Variants in THSD4 observed in about 807,000 individuals in gnomAD.
The protein encoded by THSD4 is thrombospondin type 1 domain containing 4, also known as thrombospondin type-1 domain-containing protein 4.
A neutral mutation model predicts 119.0 loss-of-function variants in THSD4; 69 were observed. That is an observed-to-expected ratio of 0.58 (90% CI 0.48 to 0.71). The LOEUF (loss-of-function observed/expected upper bound fraction) is 0.71, where lower values mean the gene tolerates loss of function less well. THSD4 is among the 30% of genes least tolerant of loss of function. THSD4 has a pLI of 0.00. For synonymous variants in THSD4, 524 were observed against 540.4 expected, an observed-to-expected ratio of 0.97 and a Z score of 0.42; for missense variants, 1,393 against 1,391.1, an observed-to-expected ratio of 1.00 and a Z score of -0.02.
intron 8 of THSD4, among the ~76,000 whole-genome samples, chr15:71,718,311 A>G (rs563619762): frequency 6.6e-6 from 1 of 152,268 alleles, no homozygotes; most frequent in East Asian, 1.9e-4. Flanking sequence ...TGACAAAATT[A>G]GCCTCCTGGA....
At chr15:71,504,228 C>T (rs1241111521) in intron 7 of THSD4, among the ~76,000 whole-genome samples, 2 of 152,178 alleles carry the variant, frequency 1.3e-5, no homozygotes, top group African/African-American at 4.8e-5. Flanking sequence ...TCCAAATCAC[C>T]AGCAGGTCGT....
At chr15:71,633,894 T>C (rs546260298) in intron 7 of THSD4, among the ~76,000 whole-genome samples, 1 of 152,162 alleles carries the variant, frequency 6.6e-6, no homozygotes, top group African/African-American at 2.4e-5. Flanking sequence ...ATCTGTGAAA[T>C]GAAAGAATCT....
At chr15:71,214,845 G>C (rs2043916978) in intron 3 of THSD4, among the ~76,000 whole-genome samples, 190 bp from the exon 4 acceptor site, 1 of 152,168 alleles carries the variant, frequency 6.6e-6, no homozygotes, top group Non-Finnish European at 1.5e-5. Flanking sequence ...CGGGGCCTAG[G>C]CATTTTTGCC....
chr15:71,616,080 A>C lies in THSD4; in HGVS notation c.1153-44450A>C, dbSNP rs577935490. Among the ~76,000 whole-genome samples, 6 of 152,304 alleles carry C rather than the reference A, an allele frequency of 3.9e-5. No individual in the cohort carries two copies. The East Asian group carries it at 1.2e-3, about 29-fold the overall frequency. On this transcript the variant is annotated intron_variant, in intron 7 of 17. Coordinates refer to ENST00000261862, the MANE Select transcript of THSD4 (RefSeq NM_024817.3). ...AATTGATTGAAAAACTGTAAGACTAAAGATGGACAAATGTCCATGTTTTCA... is the reference window on the plus strand; with the variant it reads ...AATTGATTGAAAAACTGTAAGACTACAGATGGACAAATGTCCATGTTTTCA...
intron 7 of THSD4, among the ~76,000 whole-genome samples, chr15:71,566,321 A>G (rs1449092748): frequency 1.3e-5 from 2 of 152,150 alleles, no homozygotes; most frequent in Non-Finnish European, 2.9e-5. Context: ...AAATACCCAG[A>G]AGTCTGTGGT....
At chr15:71,192,047 T>G (rs1187107292) in intron 3 of THSD4, among the ~76,000 whole-genome samples, 1 of 151,638 alleles carries the variant, frequency 6.6e-6, no homozygotes, top group African/African-American at 2.4e-5. Context: ...GGATTACAGG[T>G]GCCCACCACT....
intron 7 of THSD4, among the ~76,000 whole-genome samples, chr15:71,517,428 T>A (rs761934783): frequency 3.9e-5 from 6 of 152,232 alleles, no homozygotes; most frequent in Non-Finnish European, 7.3e-5. Context: ...CCCTCAGTCC[T>A]TTCTCTCCCT....
At chr15:71,633,397 TC>T (rs1245241513) in intron 7 of THSD4, among the ~76,000 whole-genome samples, 1 of 148,282 alleles carries the variant, frequency 6.7e-6, no homozygotes, top group Non-Finnish European at 1.5e-5. Flanking sequence ...CATCTCAGCC[TC>T]CCCATTAGCT....
At chr15:71,683,544 T>C (rs552488225) in intron 8 of THSD4, among the ~76,000 whole-genome samples, 143 of 152,254 alleles carry the variant, frequency 9.4e-4, no homozygotes, top group Non-Finnish European at 1.8e-3. Flanking sequence ...GGAGAATGAG[T>C]GCTGGCTGGA....
At chr15:71,337,632 C>A (rs559868563) in intron 6 of THSD4, among the ~76,000 whole-genome samples, 6 of 152,236 alleles carry the variant, frequency 3.9e-5, no homozygotes, top group South Asian at 4.1e-4. Context: ...TATGCAAATT[C>A]TTACTGGGCT....
chr15:71,689,869 C>G (rs533638118), intron 8 of THSD4, among the ~76,000 whole-genome samples: 6 of 152,314 alleles, frequency 3.9e-5, no homozygotes, highest in African/African-American at 1.4e-4. Flanking sequence ...TTTGGGTGTT[C>G]TTCCCCGTCC....
At chr15:71,312,733 G>T (rs76524190) in intron 6 of THSD4, among the ~76,000 whole-genome samples, 2 of 151,842 alleles carry the variant, frequency 1.3e-5, no homozygotes, top group Non-Finnish European at 2.9e-5. Context: ...AGCACGACTC[G>T]GGCTCCCACT....
intron 7 of THSD4, among the ~76,000 whole-genome samples, chr15:71,596,686 G>T (rs969777894): frequency 1.3e-5 from 2 of 152,160 alleles, no homozygotes; most frequent in Middle Eastern, 3.2e-3. Context: ...GGCTCAATTG[G>T]GCCAAATTGT....
intron 1 of THSD4, among the ~76,000 whole-genome samples, chr15:71,133,448 C>T (rs1054101547): frequency 2.0e-5 from 3 of 152,164 alleles, no homozygotes; most frequent in African/African-American, 7.2e-5. Flanking sequence ...CTATTCTAGA[C>T]ACCAGAAATA....
intron 7 of THSD4, among the ~76,000 whole-genome samples, chr15:71,415,618 C>T (rs1263671516): frequency 6.6e-6 from 1 of 152,134 alleles, no homozygotes; most frequent in Non-Finnish European, 1.5e-5. Flanking sequence ...CTATCAAATA[C>T]TAGATATTAT....
chr15:71,563,622 G>T (rs907466102), intron 7 of THSD4, among the ~76,000 whole-genome samples: 65 of 150,256 alleles, frequency 4.3e-4, no homozygotes, highest in Middle Eastern at 6.9e-3. Context: ...TAGACAGACA[G>T]TAAAGAAAAA....
intron 3 of THSD4, among the ~76,000 whole-genome samples, chr15:71,213,994 G>T (rs2043908315): frequency 6.6e-6 from 1 of 151,742 alleles, no homozygotes; most frequent in Admixed American, 6.6e-5. Flanking sequence ...GTCGAGTGGG[G>T]ACTTGGAGAA....
intron 6 of THSD4, among the ~76,000 whole-genome samples, chr15:71,288,849 A>T (rs1453596174): frequency 6.6e-6 from 1 of 152,182 alleles, no homozygotes; most frequent in Admixed American, 6.5e-5. Context: ...CTCTGACAAC[A>T]ATACCAAGAC....
At chr15:71,531,508 A>T (rs2048609437) in intron 7 of THSD4, among the ~76,000 whole-genome samples, 1 of 152,208 alleles carries the variant, frequency 6.6e-6, no homozygotes, top group Non-Finnish European at 1.5e-5. Context: ...CTTCTACTGC[A>T]TTGTGGTTAA....
Sources: allele counts gnomAD v4.1 joint callset (sites outside exome capture counted in the v4.1 genomes callset), GRCh38; gene constraint gnomAD v4.1.1; transcripts MANE v1.5; gene names NCBI Gene and HGNC (gene_info 2026-07-23, HGNC 2026-07-21).